The following HIVEP2 variants were observed in gnomAD, a reference collection of about 807,000 sequenced individuals.
HIVEP2 encodes transcription factor HIVEP2.
Under a neutral mutation model 180.7 loss-of-function variants are expected in HIVEP2, and 14 were observed. The ratio of observed to expected loss-of-function variants is 0.08; its 90% CI spans 0.05 to 0.12. The LOEUF is 0.12. HIVEP2 is among the 10% of genes least tolerant of loss of function. HIVEP2 has a pLI of 1.00. For missense variants in HIVEP2, 2,579 were observed against 3,008.5 expected, an observed-to-expected ratio of 0.86 and a Z score of 3.34; for synonymous variants, 1,184 against 1,136.4, an observed-to-expected ratio of 1.04 and a Z score of -0.84.
intron 3 of HIVEP2, among the ~76,000 whole-genome samples, chr6:142,776,568 GT>G (rs1207286014): frequency 6.6e-6 from 1 of 151,832 alleles, no homozygotes; most frequent in Non-Finnish European, 1.5e-5. Flanking sequence ...TCTCACTCTG[GT>G]GCCCAGGCTG....
chr6:142,944,747 C>T (rs1410181921), intron 1 of HIVEP2: 2 of 152,790 alleles, frequency 1.3e-5, no homozygotes, highest in Non-Finnish European at 2.9e-5. Context: ...ACACATGTCC[C>T]TTCCCGATCC....
chr6:142,886,309 T>A (rs980720213), intron 1 of HIVEP2, among the ~76,000 whole-genome samples: 17 of 152,206 alleles, frequency 1.1e-4, no homozygotes, highest in African/African-American at 2.4e-4. Context: ...CTGGTTTTTT[T>A]AAATTTTATG....
intron 1 of HIVEP2, among the ~76,000 whole-genome samples, chr6:142,852,575 GAAATATAGAGT>G (rs1347081331): frequency 6.6e-6 from 1 of 152,094 alleles, no homozygotes; most frequent in Non-Finnish European, 1.5e-5. Flanking sequence ...ATCATGACCT[GAAATATAGAGT>G]AATTCTTAAA....
At chr6:142,823,106 C>G (rs895083482) in intron 2 of HIVEP2, among the ~76,000 whole-genome samples, 14 of 152,170 alleles carry the variant, frequency 9.2e-5, no homozygotes, top group Non-Finnish European at 1.8e-4. Context: ...ACCAGCTCCC[C>G]CTAGCGTCCT....
At chr6:142,778,008 TG>T (rs760396967) in intron 3 of HIVEP2, among the ~76,000 whole-genome samples, 7 of 152,152 alleles carry the variant, frequency 4.6e-5, no homozygotes, top group African/African-American at 9.6e-5. Context: ...GTAAGTCTTT[TG>T]GGTGAGAAAT....
At chr6:142,938,639 C>T (rs1778108765) in intron 1 of HIVEP2, among the ~76,000 whole-genome samples, 1 of 152,226 alleles carries the variant, frequency 6.6e-6, no homozygotes, top group Non-Finnish European at 1.5e-5. Context: ...AACCTGTACA[C>T]ATATGCACGC....
chr6:142,763,244 C>A (rs553665505), intron 7 of HIVEP2, among the ~76,000 whole-genome samples: 62 of 152,190 alleles, frequency 4.1e-4, no homozygotes, highest in African/African-American at 1.5e-3. Context: ...TGTATAAGGA[C>A]AAGGAGAGGG....
At chr6:142,900,926 A>T (rs557495115) in intron 1 of HIVEP2, among the ~76,000 whole-genome samples, 2 of 152,278 alleles carry the variant, frequency 1.3e-5, no homozygotes, top group African/African-American at 4.8e-5. Flanking sequence ...TCGTGTTGCC[A>T]TGGAGCTGAA....
intron 1 of HIVEP2, among the ~76,000 whole-genome samples, chr6:142,843,451 T>C (rs1775423582): frequency 2.0e-5 from 3 of 152,116 alleles, no homozygotes; most frequent in South Asian, 2.1e-4. Flanking sequence ...CTGTGGGGAC[T>C]AGAGTGGTCG....
At chr6:142,779,918 A>G (rs186888310) in intron 3 of HIVEP2, among the ~76,000 whole-genome samples, 578 of 152,346 alleles carry the variant, frequency 3.8e-3, no homozygotes, top group Non-Finnish European at 5.7e-3. Flanking sequence ...TGACTTACAC[A>G]AAATTCAAAA....
Position 142,773,227 on chromosome 6 carries a change from T to C in HIVEP2, c.1512A>G (p.Gln504=), listed in dbSNP as rs767142607. ...TGATAGATGATGGAATAATCTGGGG[T>C]TGTCTGGACTCACTGTTGAACTTAG... is the stretch of plus-strand genomic sequence containing the variant. The part of the protein sequence containing the change: ...KSTKFNSESR[Q]PQIIPSSIRN... The change falls in exon 5 of 10, where the codon CAA becomes CAG. Residue 504 remains glutamine (Q), a synonymous_variant. Coordinates refer to ENST00000367603, the MANE Select transcript of HIVEP2 (RefSeq NM_006734.4). 3 of 1,614,066 alleles carry C rather than the reference T, an allele frequency of 1.9e-6. No individual in the cohort carries two copies. The highest frequency in any genetic ancestry group is 2.7e-5 in the African/African-American group (2 of 74,926).
intron 2 of HIVEP2, among the ~76,000 whole-genome samples, chr6:142,785,587 C>T (rs1381434969): frequency 6.6e-6 from 1 of 152,136 alleles, no homozygotes; most frequent in Admixed American, 6.5e-5. Flanking sequence ...TCATTCCTAC[C>T]AGCAGTCTCC....
chr6:142,903,389 G>C (rs1316089768), intron 1 of HIVEP2, among the ~76,000 whole-genome samples: 1 of 152,118 alleles, frequency 6.6e-6, no homozygotes, highest in Non-Finnish European at 1.5e-5. Context: ...CCTGGACTTG[G>C]ACTTCACTTT....
intron 9 of HIVEP2, among the ~76,000 whole-genome samples, chr6:142,755,457 G>A (rs1044509398): frequency 6.6e-6 from 1 of 152,182 alleles, no homozygotes; most frequent in African/African-American, 2.4e-5. Context: ...AATCAAGTAC[G>A]TTTTCTTTTA....
At chr6:142,832,303 A>G (rs1246963434) in intron 2 of HIVEP2, among the ~76,000 whole-genome samples, 1 of 152,012 alleles carries the variant, frequency 6.6e-6, no homozygotes, top group Non-Finnish European at 1.5e-5. Context: ...TATTTTTTCA[A>G]TCACCATTTT....
At chr6:142,910,397 T>C (rs540630025) in intron 1 of HIVEP2, among the ~76,000 whole-genome samples, 1 of 152,208 alleles carries the variant, frequency 6.6e-6, no homozygotes, top group South Asian at 2.1e-4. Context: ...GGTCAAGAGA[T>C]TGAGACCATC....
At chr6:142,909,814 C>A (rs562226959) in intron 1 of HIVEP2, among the ~76,000 whole-genome samples, 122 of 152,148 alleles carry the variant, frequency 8.0e-4, no homozygotes, top group African/African-American at 2.8e-3. Flanking sequence ...GTAGAAAGAT[C>A]AAAAAATAGC....
chr6:142,782,174 C>T (rs1452726433), intron 3 of HIVEP2, among the ~76,000 whole-genome samples: 2 of 152,120 alleles, frequency 1.3e-5, no homozygotes, highest in African/African-American at 4.8e-5. Context: ...CTAAACATTT[C>T]GTCTTTTGTT....
At chr6:142,807,028 C>T (rs1776570869) in intron 2 of HIVEP2, among the ~76,000 whole-genome samples, 1 of 152,098 alleles carries the variant, frequency 6.6e-6, no homozygotes, top group Non-Finnish European at 1.5e-5. Flanking sequence ...TCAAGGATGA[C>T]TCAACAGGGG....
Sources: allele counts gnomAD v4.1 joint callset (sites outside exome capture counted in the v4.1 genomes callset), GRCh38; gene constraint gnomAD v4.1.1; transcripts MANE v1.5; gene names NCBI Gene and HGNC (gene_info 2026-07-23, HGNC 2026-07-21).